The following EXOC6B variants were observed in gnomAD, a reference collection of about 807,000 sequenced individuals.
The protein encoded by EXOC6B is SEC15 homolog B.
In EXOC6B, 54 loss-of-function variants were observed where a neutral mutation model predicts 113.5. The ratio of observed to expected loss-of-function variants is 0.48; its 90% CI spans 0.38 to 0.60. EXOC6B has a LOEUF of 0.60. Ranked by LOEUF, EXOC6B falls within the 20% of genes least tolerant of loss-of-function variation. The pLI is 0.00. For missense variants in EXOC6B, 797 were observed against 977.5 expected, an observed-to-expected ratio of 0.82 and a Z score of 2.46; for synonymous variants, 357 against 339.0, an observed-to-expected ratio of 1.05 and a Z score of -0.58.
intron 6 of EXOC6B, among the ~76,000 whole-genome samples, chr2:72,699,881 C>A (rs1042464503): frequency 6.6e-6 from 1 of 152,222 alleles, no homozygotes; most frequent in East Asian, 1.9e-4. Context: ...AAAAATATGG[C>A]TTTCTATATA....
At chr2:72,401,495 A>G (rs544626965) in intron 18 of EXOC6B, among the ~76,000 whole-genome samples, 50 of 45,346 alleles carry the variant, frequency 1.1e-3, no homozygotes, top group Admixed American at 7.9e-3. Flanking sequence ...TTTTATATAC[A>G]TATATATATA....
At chr2:72,332,136 GATC>G (rs1688448744) in intron 20 of EXOC6B, among the ~76,000 whole-genome samples, 3 of 151,952 alleles carry the variant, frequency 2.0e-5, no homozygotes, top group African/African-American at 7.3e-5. Context: ...ACTGGGGGCA[GATC>G]CTCTTCTTAC....
At chr2:72,620,615 T>A (rs1671688533) in intron 6 of EXOC6B, among the ~76,000 whole-genome samples, 1 of 150,988 alleles carries the variant, frequency 6.6e-6, no homozygotes, top group Non-Finnish European at 1.5e-5. Flanking sequence ...TTTGGCAAAG[T>A]CCACAAAAGC....
At chr2:72,456,346 C>T (rs150585625) in intron 18 of EXOC6B, among the ~76,000 whole-genome samples, 9 of 152,192 alleles carry the variant, frequency 5.9e-5, no homozygotes, top group African/African-American at 2.2e-4. Flanking sequence ...CTTTTAATGA[C>T]ATATGACTCA....
At chr2:72,793,149 A>C (rs1424762390) in intron 1 of EXOC6B, among the ~76,000 whole-genome samples, 1 of 152,144 alleles carries the variant, frequency 6.6e-6, no homozygotes, top group Non-Finnish European at 1.5e-5. Context: ...TTGTGCTGTG[A>C]ACACTTCCTT....
chr2:72,301,169 C>A (rs1286611816), intron 20 of EXOC6B, among the ~76,000 whole-genome samples: 1 of 152,120 alleles, frequency 6.6e-6, no homozygotes, highest in Non-Finnish European at 1.5e-5. Context: ...TATGTTGAAC[C>A]AACCTTCTAT....
chr2:72,546,690 G>A (rs1573366850), intron 8 of EXOC6B, among the ~76,000 whole-genome samples: 1 of 152,136 alleles, frequency 6.6e-6, no homozygotes, highest in African/African-American at 2.4e-5. Flanking sequence ...TAGTTTAACT[G>A]GTGAGGCTAA....
chr2:72,427,113 C>T (rs1695240560), intron 18 of EXOC6B, among the ~76,000 whole-genome samples: 1 of 152,168 alleles, frequency 6.6e-6, no homozygotes, highest in African/African-American at 2.4e-5. Context: ...TCACAGAGCC[C>T]GCAGCAGCCA....
chr2:72,517,338 C>T (rs1701265335), intron 8 of EXOC6B, among the ~76,000 whole-genome samples: 1 of 152,078 alleles, frequency 6.6e-6, no homozygotes, highest in Non-Finnish European at 1.5e-5. Context: ...CCTTCAGAAA[C>T]AGGCAACAGG....
At chr2:72,363,619 T>C (rs1439128510) in intron 19 of EXOC6B, among the ~76,000 whole-genome samples, 1 of 152,022 alleles carries the variant, frequency 6.6e-6, no homozygotes, top group Non-Finnish European at 1.5e-5. Context: ...ATGATGATGA[T>C]GATGATGACA....
At chr2:72,397,640 T>A (rs1558625697) in intron 18 of EXOC6B, among the ~76,000 whole-genome samples, 3 of 131,388 alleles carry the variant, frequency 2.3e-5, no homozygotes, top group Admixed American at 1.4e-4. Context: ...TAAAATAAAA[T>A]AAAATAAAAT....
chr2:72,507,608 A>G (rs1452352565), intron 11 of EXOC6B, among the ~76,000 whole-genome samples: 1 of 152,100 alleles, frequency 6.6e-6, no homozygotes, highest in Non-Finnish European at 1.5e-5. Context: ...AACTCCATAC[A>G]TACCCTTTAG....
intron 20 of EXOC6B, among the ~76,000 whole-genome samples, chr2:72,238,676 G>A (rs1262446263): frequency 6.6e-6 from 1 of 152,124 alleles, no homozygotes; most frequent in Non-Finnish European, 1.5e-5. Flanking sequence ...TTTTGTTCAT[G>A]TAATTGTTGG....
Position 72,575,503 on chromosome 2 carries a change from C to T in EXOC6B, c.835G>A (p.Asp279Asn). The change falls in exon 7 of 22, where the codon GAT becomes AAT. Residue 279 changes from aspartate (D) to asparagine (N), a missense_variant. Transcript: ENST00000272427. The stretch of plus-strand genomic sequence containing the variant: ...CAAATGTTACTTACCTCTTCATCAT[C>T]TTCCTCGTCTTCAACATCCAGAATT... ...SGILDVEDEEDDEEVPGAQDL... is the reference protein window; with the variant it reads ...SGILDVEDEENDEEVPGAQDL... The T allele has an allele frequency of 6.2e-7, 1 of 1,605,894 alleles. No individual in the cohort carries two copies. The highest frequency in any genetic ancestry group is 8.5e-7 in the Non-Finnish European group (1 of 1,177,254).
intron 20 of EXOC6B, among the ~76,000 whole-genome samples, chr2:72,266,105 GT>G (rs1285638201): frequency 3.3e-5 from 5 of 152,038 alleles, no homozygotes; most frequent in African/African-American, 1.2e-4. Flanking sequence ...GGGGTTGTTT[GT>G]TTTTTTCTTG....
intron 1 of EXOC6B, among the ~76,000 whole-genome samples, chr2:72,802,160 TA>T (rs1264394600): frequency 2.0e-5 from 3 of 151,838 alleles, no homozygotes; most frequent in Non-Finnish European, 4.4e-5. Flanking sequence ...CCATTTCTAC[TA>T]AAACTACAAA....
chr2:72,751,373 T>C (rs1002803354), intron 1 of EXOC6B, among the ~76,000 whole-genome samples: 1 of 152,114 alleles, frequency 6.6e-6, no homozygotes, highest in Non-Finnish European at 1.5e-5. Flanking sequence ...GAAAGAGTTA[T>C]TATCAGTAGA....
chr2:72,439,756 C>G (rs1315675192), intron 18 of EXOC6B, among the ~76,000 whole-genome samples: 2 of 152,138 alleles, frequency 1.3e-5, no homozygotes, highest in African/African-American at 4.8e-5. Context: ...AGTTCTGAAC[C>G]CTTGCTGGAG....
chr2:72,753,297 C>G (rs972770543), intron 1 of EXOC6B, among the ~76,000 whole-genome samples: 1 of 151,836 alleles, frequency 6.6e-6, no homozygotes, highest in Non-Finnish European at 1.5e-5. Flanking sequence ...ACATTTCACT[C>G]CTAGTATTCA....
Sources: allele counts gnomAD v4.1 joint callset (sites outside exome capture counted in the v4.1 genomes callset), GRCh38; gene constraint gnomAD v4.1.1; transcripts MANE v1.5; gene names NCBI Gene and HGNC (gene_info 2026-07-23, HGNC 2026-07-21).